Variants in CCDC57 observed in about 807,000 individuals in gnomAD.
CCDC57 encodes coiled-coil domain-containing protein 57.
Under a neutral mutation model 118.9 loss-of-function variants are expected in CCDC57, and 118 were observed. That is an observed-to-expected ratio of 0.99 (90% confidence interval 0.86 to 1.16). The LOEUF is 1.16. CCDC57 is among the 50% of genes most tolerant of loss of function. The pLI is 0.00. For missense variants in CCDC57, 1,300 were observed against 1,320.7 expected (o/e 0.98, Z 0.24); for synonymous variants, 527 against 532.9 (o/e 0.99, Z 0.15).
At chr17:82,144,987 G>A (rs2040504324) in intron 16 of CCDC57, among the ~76,000 whole-genome samples, 1 of 150,638 alleles carries the variant, frequency 6.6e-6, no homozygotes, top group South Asian at 2.1e-4. Flanking sequence ...ATTTAGATTG[G>A]CCCTCCAAAT....
At chr17:82,131,276 C>A (rs2038327006) in intron 17 of CCDC57, among the ~76,000 whole-genome samples, 1 of 150,712 alleles carries the variant, frequency 6.6e-6, no homozygotes. Context: ...ATCAAAAATA[C>A]AAAAATTAAC....
intron 19 of CCDC57, chr17:82,127,188 A>G (rs1370676749): frequency 1.0e-6 from 1 of 985,350 alleles, no homozygotes; most frequent in Non-Finnish European, 1.2e-6. Context: ...GCAGCAAAGC[A>G]GGACGAGGAT....
At chr17:82,199,553 T>C (rs1320469876) in intron 3 of CCDC57, among the ~76,000 whole-genome samples, 1 of 149,588 alleles carries the variant, frequency 6.7e-6, no homozygotes, top group Non-Finnish European at 1.5e-5. Flanking sequence ...GAGAGAAGAA[T>C]GAGCAAAAGA....
intron 14 of CCDC57, among the ~76,000 whole-genome samples, 182 bp downstream of exon 13, chr17:82,163,018 C>T (rs145222164): frequency 1.3e-5 from 2 of 152,338 alleles, no homozygotes; most frequent in East Asian, 1.9e-4. Context: ...CACGAGCACA[C>T]CTGAGATGAA....
At chr17:82,163,799 C>T (rs891895466) in intron 13 of CCDC57, among the ~76,000 whole-genome samples, 6 of 152,184 alleles carry the variant, frequency 3.9e-5, no homozygotes, top group Non-Finnish European at 5.9e-5. Flanking sequence ...TAAAGCTGTC[C>T]TTCCAAGAAT....
chr17:82,104,248 G>T (rs1354250786), intron 19 of CCDC57, among the ~76,000 whole-genome samples: 1 of 152,236 alleles, frequency 6.6e-6, no homozygotes, highest in Admixed American at 6.5e-5. Flanking sequence ...TGACTGGGCC[G>T]CAGGGAAACC....
At chr17:82,134,466 A>C in intron 16 of CCDC57, 2 of 316,114 alleles carry the variant, frequency 6.3e-6, no homozygotes, top group Non-Finnish European at 1.1e-5. Flanking sequence ...TAACAGAAGC[A>C]CCCAGACGCC....
intron 14 of CCDC57, 48 bp from the exon 14 acceptor site, chr17:82,157,996 C>A: frequency 6.5e-7 from 1 of 1,527,330 alleles, no homozygotes; most frequent in South Asian, 1.2e-5. Flanking sequence ...AGTGGCTGGG[C>A]TGGAGCAGGC....
At chr17:82,210,821 T>C (rs1482204869) in intron 1 of CCDC57, among the ~76,000 whole-genome samples, 2 of 150,238 alleles carry the variant, frequency 1.3e-5, no homozygotes, top group Admixed American at 1.3e-4. Context: ...TGACGAAACC[T>C]CGTCTCTACT....
chr17:82,175,025 G>A (rs1325288584), intron 11 of CCDC57, among the ~76,000 whole-genome samples: 1 of 152,206 alleles, frequency 6.6e-6, no homozygotes, highest in African/African-American at 2.4e-5. Flanking sequence ...CCGCAGTGCC[G>A]TGATCACAAT....
chr17:82,172,916 C>T lies in CCDC57; in HGVS notation c.1507-56G>A. 6.7e-7 allele frequency: 1 copy of T among 1,482,058 alleles called. No individual in the cohort carries two copies. The highest frequency in any genetic ancestry group is 1.2e-5 in the South Asian group (1 of 83,494). 91.8% of individuals were successfully genotyped at this position (1,482,058 alleles called of 1,614,324 possible). On this transcript the variant is annotated intron_variant, in intron 11 of 19. Transcript: ENST00000665763. This position sits in a 1 kb window ranked among gnomAD's most constrained non-coding sequence, Gnocchi z 5.2. ...AAGATGAATGGTTCCCCAGCTTGTC[C>T]TGACAGGCTGTGCCTCCGCTCTCCC...
At chr17:82,180,727 G>A (rs534417480) in intron 9 of CCDC57, among the ~76,000 whole-genome samples, 7 of 152,238 alleles carry the variant, frequency 4.6e-5, no homozygotes, top group Non-Finnish European at 7.4e-5. Context: ...CGCCCGCCTC[G>A]GCCTCCCAAA....
intron 19 of CCDC57, chr17:82,107,573 G>A: frequency 2.1e-6 from 1 of 471,008 alleles, no homozygotes; most frequent in Non-Finnish European, 4.4e-6. Flanking sequence ...GGCACACTGT[G>A]AGGATGGGCG....
chr17:82,192,709 A>G lies in CCDC57; in HGVS notation c.851+1047T>C, dbSNP rs1170807548. ...ACAATGCGAGCCAGCTGAGGGCACA[A>G]CCCTCTCTCGCTGCCACCAGTAGGG... On this transcript the variant is annotated intron_variant, in intron 7 of 19. Coordinates refer to ENST00000665763, the Ensembl canonical transcript of CCDC57. The surrounding 1 kb of genome is among the most constrained non-coding windows in gnomAD (Gnocchi z 4.0). 2.6e-5 allele frequency among the ~76,000 whole-genome samples: 4 copies of G among 152,174 alleles called. No homozygotes were observed. The highest frequency in any genetic ancestry group is 5.9e-5 in the Non-Finnish European group (4 of 68,030).
chr17:82,102,046 A>T (rs896079366), intron 19 of CCDC57, among the ~76,000 whole-genome samples, 180 bp from the exon 19 acceptor site: 28 of 152,256 alleles, frequency 1.8e-4, no homozygotes, highest in African/African-American at 6.3e-4. Flanking sequence ...GAGTGACCAG[A>T]GAGCTGTGGC....
chr17:82,181,022 C>T (rs746011442), intron 9 of CCDC57, among the ~76,000 whole-genome samples: 3 of 152,184 alleles, frequency 2.0e-5, no homozygotes, highest in Non-Finnish European at 4.4e-5. Context: ...TCCGGATCCC[C>T]GCAGGGACGG....
chr17:82,120,518 C>T (rs758192802), intron 19 of CCDC57, among the ~76,000 whole-genome samples: 2 of 152,186 alleles, frequency 1.3e-5, no homozygotes, highest in Non-Finnish European at 2.9e-5. Context: ...CCTTAAGTGG[C>T]ACCCCTTACT....
intron 19 of CCDC57, among the ~76,000 whole-genome samples, chr17:82,104,180 C>T (rs1477558707): frequency 6.6e-6 from 1 of 152,262 alleles, no homozygotes; most frequent in African/African-American, 2.4e-5. Flanking sequence ...CTCTGCCCCG[C>T]CTTCTCGCCT....
At chr17:82,120,169 TTATTA>T (rs1251397945) in intron 19 of CCDC57, among the ~76,000 whole-genome samples, 7 of 104,230 alleles carry the variant, frequency 6.7e-5, no homozygotes, top group Non-Finnish European at 1.1e-4. Context: ...ATTATTATTA[TTATTA>T]TTTTTTTTTT....
Sources: allele counts gnomAD v4.1 joint callset (sites outside exome capture counted in the v4.1 genomes callset), GRCh38; gene constraint gnomAD v4.1.1; non-coding constraint Gnocchi (gnomAD v3.1); transcripts MANE v1.5; gene names NCBI Gene and HGNC (gene_info 2026-07-23, HGNC 2026-07-21).